Variants in PTCH2 observed in about 807,000 individuals in gnomAD.
The protein encoded by PTCH2 is patched 2, also known as protein patched homolog 2.
Under a neutral mutation model 117.9 loss-of-function variants are expected in PTCH2, and 96 were observed. The observed-to-expected ratio is 0.81, with a 90% confidence interval of 0.69 to 0.96. PTCH2 has a LOEUF of 0.96. PTCH2 is among the 50% of genes least tolerant of loss of function. The pLI, the probability that PTCH2 is intolerant of heterozygous loss-of-function variation, is 0.00. For missense variants in PTCH2, 1,379 were observed against 1,562.5 expected, an observed-to-expected ratio of 0.88 and a Z score of 1.98; for synonymous variants, 615 against 660.9, an observed-to-expected ratio of 0.93 and a Z score of 1.06.
At position 44,823,368 on chromosome 1, in the gene PTCH2, C is replaced by T. The variant is rs1291462786; in HGVS notation, c.3132G>A (p.Gln1044=). The change falls in exon 20 of 22, where the codon CAG becomes CAA. Residue 1044 remains glutamine (Q), a synonymous_variant. Transcript: ENST00000372192. This position sits in a 1 kb window ranked among gnomAD's most constrained non-coding sequence, Gnocchi z 5.1. The stretch of plus-strand genomic sequence containing the variant: ...GGGCGGCCCGCAGGTTCCGGCTGCC[C>T]TGGGTGGTCAGGAAGCCCTAGGAAA... ...VHVALGFLTT[Q]GSRNLRAAHA... is the part of the protein sequence containing the mutation. 6.2e-7 allele frequency: 1 copy of T among 1,614,102 alleles called. No homozygotes were observed. Among genetic ancestry groups the T allele is most frequent in the African/African-American group, 1.3e-5 (1 of 74,942 alleles).
In PTCH2 at chr1:44,829,332, T is replaced by A; in HGVS notation, c.1216-20A>T. 1 of 1,613,730 alleles carries A rather than the reference T, an allele frequency of 6.2e-7. No homozygotes were observed. The highest frequency in any genetic ancestry group is 8.5e-7 in the Non-Finnish European group (1 of 1,179,972). ...GGCCAGCTGTGGGGGGAAAGGGCAGTCTCAGGGGCTCCCAGGGTGGGCACT... is the reference window on the plus strand; with the variant it reads ...GGCCAGCTGTGGGGGGAAAGGGCAGACTCAGGGGCTCCCAGGGTGGGCACT... On this transcript the variant is annotated intron_variant, in intron 9 of 21. Transcript: ENST00000372192.
intron 12 of PTCH2, 37 bp downstream of exon 12, chr1:44,828,469 A>C (rs2148876408): frequency 6.2e-7 from 1 of 1,614,138 alleles, no homozygotes; most frequent in Non-Finnish European, 8.5e-7. Context: ...CCTCAGCCCC[A>C]CACCCACCCT....
At chr1:44,840,469 G>C (rs565419644) in intron 2 of PTCH2, among the ~76,000 whole-genome samples, 7 of 149,806 alleles carry the variant, frequency 4.7e-5, no homozygotes, top group Admixed American at 4.6e-4. Flanking sequence ...CCAGCACTTT[G>C]GGAGGCTGAG....
Position 44,827,095 on chromosome 1 carries a change from A to G in PTCH2, c.2515-13T>C. Reference sequence around the variant, plus strand: ...TCCTTGTGGTCAGCTGCAGAGGCAGAGAGGGCTGAAGGCCTGGGCCCAGGA... The same window carrying G: ...TCCTTGTGGTCAGCTGCAGAGGCAGGGAGGGCTGAAGGCCTGGGCCCAGGA... On this transcript the variant is annotated splice_polypyrimidine_tract_variant and intron_variant, in intron 16 of 21. Coordinates refer to ENST00000372192, the MANE Select transcript of PTCH2 (RefSeq NM_003738.5). 1 of 1,613,966 alleles carries G rather than the reference A, an allele frequency of 6.2e-7. No homozygotes were observed. Among genetic ancestry groups the G allele is most frequent in the Non-Finnish European group, 8.5e-7 (1 of 1,179,930 alleles).
At chr1:44,839,361 C>CAAAAAAAAAAAAAAAAAAAAAAAAAA (rs57053705) in intron 2 of PTCH2, among the ~76,000 whole-genome samples, 2 of 75,638 alleles carry the variant, frequency 2.6e-5, no homozygotes, top group African/African-American at 1.0e-4. Context: ...GACTTACTCT[C>CAAAAAAAAAAAAAAAAAAAAAAAAAA]AAAAAAAAAA....
downstream of PTCH2, chr1:44,820,569 A>G: frequency 1.5e-6 from 1 of 673,844 alleles, no homozygotes; most frequent in Non-Finnish European, 2.8e-6. Flanking sequence ...GGAGGTGAGA[A>G]AGTGTTCTAG....
Position 44,827,999 on chromosome 1 carries a change from C to G in PTCH2, c.1902G>C (p.Glu634Asp), listed in dbSNP as rs1285483196. ...VPPPSDPLGS[E>D]LFSPGGSTRD... Reference sequence around the variant, plus strand: ...GTGTGGACCCTCCAGGGCTGAAGAGCTCAGAGCCCAGTGGGTCAGAAGGTG... The same window carrying G: ...GTGTGGACCCTCCAGGGCTGAAGAGGTCAGAGCCCAGTGGGTCAGAAGGTG... Residue 634 changes from glutamate (E) to aspartate (D), a missense_variant, in exon 14 of 22, where the codon GAG (glutamate) becomes GAC (aspartate). Coordinates refer to ENST00000372192, the MANE Select transcript of PTCH2 (RefSeq NM_003738.5). The G allele has an allele frequency of 1.9e-6, 3 of 1,614,090 alleles. No individual in the cohort carries two copies. The highest frequency in any genetic ancestry group is 2.5e-6 in the Non-Finnish European group (3 of 1,180,040).
chr1:44,828,205 A>C lies in PTCH2; in HGVS notation c.1710-14T>G. ...GCAGAGCAGGGACTGGAAGAGGTAG[A>C]GAGTGGATGACAGGTCTGTGCCTTG... is the stretch of plus-strand genomic sequence containing the variant. On this transcript the variant is annotated splice_polypyrimidine_tract_variant and intron_variant, in intron 13 of 21. Coordinates refer to ENST00000372192, the MANE Select transcript of PTCH2 (RefSeq NM_003738.5). The C allele has an allele frequency of 6.2e-7, 1 of 1,613,264 alleles. No individual in the cohort carries two copies. Among genetic ancestry groups the C allele is most frequent in the Non-Finnish European group, 8.5e-7 (1 of 1,179,770 alleles).
rs762951960 is a variant in PTCH2, at chr1:44,829,044, C to G, written c.1402G>C (p.Val468Leu). Residue 468 changes from valine (V) to leucine (L), a missense_variant, in exon 11 of 22, where the codon GTG (valine) becomes CTG (leucine). By Grantham distance (32) the Val-to-Leu change is conservative. Transcript: ENST00000372192. ...VLPFLALGIG[V>L]DDVFLLAHAF... ...TGCGCCAGCAGGAATACGTCATCCA[C>G]GCCGATTCCCAGAGCCAAGAAGGGC... is the stretch of plus-strand genomic sequence containing the variant. 1 of 1,600,774 alleles carries G rather than the reference C, an allele frequency of 6.2e-7. No individual in the cohort carries two copies.
rs762735258 is a variant in PTCH2, at chr1:44,822,054, G to A, written c.*361C>T. 1 of 1,357,816 alleles carries A rather than the reference G, an allele frequency of 7.4e-7. No individual in the cohort carries two copies. The highest frequency in any genetic ancestry group is 9.6e-7 in the Non-Finnish European group (1 of 1,045,914). 84.1% of individuals were successfully genotyped at this position (1,357,816 alleles called of 1,614,324 possible). A position where few individuals can be genotyped will look rare whatever the true frequency, so the allele number is the denominator to read the frequency against. On this transcript the variant is annotated 3_prime_UTR_variant, in exon 22 of 22. Transcript: ENST00000372192. ...ATAAATAATGGATGTGGTAGGAGGT[G>A]GGCAGGGATATGGAGAGCCTGCCCA...
At chr1:44,840,076 C>T (rs1483200986) in intron 2 of PTCH2, among the ~76,000 whole-genome samples, 1 of 147,294 alleles carries the variant, frequency 6.8e-6, no homozygotes, top group Non-Finnish European at 1.5e-5. Flanking sequence ...AACCAGCCCT[C>T]AGGAAAGAAG....
downstream of PTCH2, chr1:44,819,934 C>A (rs193075289): frequency 2.6e-5 from 4 of 151,488 alleles, no homozygotes; most frequent in Admixed American, 1.9e-4. Context: ...TCACAACTTT[C>A]TCTCCACGGA....
At chr1:44,827,771 A>T in intron 14 of PTCH2, 57 bp from the exon 15 acceptor site, 4 of 1,611,738 alleles carry the variant, frequency 2.5e-6, no homozygotes, top group Non-Finnish European at 3.4e-6. Context: ...CCCCTCAGGC[A>T]GTGGACTAAG....
In PTCH2 at chr1:44,839,361, C is replaced by CAAAAA. The variant is rs57053705; in HGVS notation, c.265+2481_265+2485dup. Among the ~76,000 whole-genome samples the CAAAAA allele has an allele frequency of 6.6e-3, 496 of 75,576 alleles. 21 individuals carry two copies. Among genetic ancestry groups the CAAAAA allele is most frequent in the African/African-American group, 0.02 (391 of 19,508 alleles). The allele number at this position is 75,576 out of a possible 152,430, so 49.6% of individuals were successfully genotyped here. On this transcript the variant is annotated intron_variant, in intron 2 of 21. Coordinates refer to ENST00000372192, the MANE Select transcript of PTCH2 (RefSeq NM_003738.5). ...TGGGCAACAGAGCAAGACTTACTCT[C>CAAAAA]AAAAAAAAAAAAAAAAAAAAAACAG... is the stretch of plus-strand genomic sequence containing the variant.
chr1:44,842,492 T>G (rs1226723246), intron 1 of PTCH2, among the ~76,000 whole-genome samples: 2 of 152,112 alleles, frequency 1.3e-5, no homozygotes, highest in Non-Finnish European at 2.9e-5. Flanking sequence ...TTGGCCTGGC[T>G]GGTCTCGAAC....
At chr1:44,827,790 G>T (rs1027127687) in intron 14 of PTCH2, 53 bp downstream of exon 14, 1 of 1,612,428 alleles carries the variant, frequency 6.2e-7, no homozygotes, top group Non-Finnish European at 8.5e-7. Context: ...AGCCCTCTCT[G>T]CCCTTCTGGG....
chr1:44,838,892 G>T (rs905641749), intron 2 of PTCH2, among the ~76,000 whole-genome samples: 1 of 152,042 alleles, frequency 6.6e-6, no homozygotes. Flanking sequence ...GCTAATTTTT[G>T]TATTTTTAGT....
intron 2 of PTCH2, among the ~76,000 whole-genome samples, chr1:44,833,566 G>T (rs1653552652): frequency 6.9e-6 from 1 of 145,432 alleles, no homozygotes; most frequent in Non-Finnish European, 1.5e-5. Context: ...CCTCCCAAGT[G>T]GCTGGGACCA....
chr1:44,843,168 C>G lies in PTCH2; in HGVS notation c.-236G>C. 7.9e-7 allele frequency: 1 copy of G among 1,258,684 alleles called. No homozygotes were observed. 78.0% of individuals were successfully genotyped at this position (1,258,684 alleles called of 1,614,324 possible). A position where few individuals can be genotyped will look rare whatever the true frequency, so the allele number is the denominator to read the frequency against. ...ATTCACCCGCTCCGTGGGCCGTGGG[C>G]CGCGGCGGCTGGAGGAGGAATGGGT... On this transcript the variant is annotated 5_prime_UTR_variant, in exon 1 of 22. Transcript: ENST00000372192.
Sources: allele counts gnomAD v4.1 joint callset (sites outside exome capture counted in the v4.1 genomes callset), GRCh38; gene constraint gnomAD v4.1.1; non-coding constraint Gnocchi (gnomAD v3.1); transcripts MANE v1.5; gene names NCBI Gene and HGNC (gene_info 2026-07-23, HGNC 2026-07-21).